Variants in PCDH17 observed in about 807,000 individuals in gnomAD.
PCDH17 encodes protocadherin 17.
PCDH17 carries 21 observed loss-of-function variants against 67.7 expected under a neutral mutation model. The observed-to-expected ratio is 0.31, with a 90% CI of 0.22 to 0.45. The LOEUF is 0.45. Among genes scored for constraint, PCDH17 ranks in the 20% least tolerant of loss-of-function variants. The pLI is 1.00. For synonymous variants in PCDH17, 701 were observed against 656.7 expected (o/e 1.07, Z -1.03); for missense variants, 1,471 against 1,564.8 (o/e 0.94, Z 1.01).
chr13:57,652,163 A>T (rs1955049700), intron 1 of PCDH17, among the ~76,000 whole-genome samples: 1 of 151,532 alleles, frequency 6.6e-6, no homozygotes, highest in Admixed American at 6.6e-5. Context: ...CTGTAGTCCC[A>T]CCTACTCGGG....
Position 57,634,243 on chromosome 13 carries a change from AC to A in PCDH17, c.1698del (p.Asn566LysfsTer4). ...DSGAPAHLES[N>X]ATVRVTVLDV... ...GGGGCGCCCGCGCACTTGGAGAGCA[AC>A]GCCACGGTGAGGGTGACAGTGCTAG... On this transcript the variant is annotated frameshift_variant, in exon 1 of 4. Coordinates refer to ENST00000377918, the MANE Select transcript of PCDH17 (RefSeq NM_001040429.3). LOFTEE classifies it high-confidence loss of function. This position sits in a 1 kb window ranked among gnomAD's most constrained non-coding sequence, Gnocchi z 7.8. 1 of 1,613,224 alleles carries A rather than the reference AC, an allele frequency of 6.2e-7. No individual in the cohort carries two copies. Among genetic ancestry groups the A allele is most frequent in the Non-Finnish European group, 8.5e-7 (1 of 1,180,010 alleles).
chr13:57,650,642 T>C (rs576998385), intron 1 of PCDH17, among the ~76,000 whole-genome samples: 2 of 152,262 alleles, frequency 1.3e-5, no homozygotes, highest in South Asian at 2.1e-4. Context: ...ATGACTATAT[T>C]TTTCCCAATT....
In PCDH17 at chr13:57,632,322, A is replaced by G. The variant is rs1427580438; in HGVS notation, c.-225A>G. The G allele has an allele frequency of 2.1e-5, 12 of 582,864 alleles. No homozygotes were observed. The highest frequency in any genetic ancestry group is 3.3e-5 in the Non-Finnish European group (11 of 330,760). The allele number at this position is 582,864 out of a possible 1,614,324, so 36.1% of individuals were successfully genotyped here. ...AGCCCCTGCAGCTCTGCTGCACCGC[A>G]GCTTCTCACCCAGTGCGGATGCTGT... On this transcript the variant is annotated 5_prime_UTR_variant, in exon 1 of 4. Coordinates refer to ENST00000377918, the MANE Select transcript of PCDH17 (RefSeq NM_001040429.3).
At chr13:57,689,307 A>G (rs1002208498) in intron 3 of PCDH17, among the ~76,000 whole-genome samples, 1 of 152,032 alleles carries the variant, frequency 6.6e-6, no homozygotes. Context: ...GAAAATGACC[A>G]GTGCATTTCC....
intron 3 of PCDH17, chr13:57,709,737 G>A (rs1955757996): frequency 6.6e-6 from 1 of 152,066 alleles, no homozygotes; most frequent in South Asian, 2.1e-4. Flanking sequence ...TCAGTCTGTT[G>A]ATCTGCTTCC....
At chr13:57,720,507 C>A (rs987947067) in intron 3 of PCDH17, among the ~76,000 whole-genome samples, 7 of 151,686 alleles carry the variant, frequency 4.6e-5, no homozygotes, top group Admixed American at 4.6e-4. Flanking sequence ...AAAATATTGT[C>A]ATTTTATTTA....
rs1349955304 is a variant in PCDH17, at chr13:57,727,463, C to T, written c.*2169C>T. 1.3e-5 allele frequency: 2 copies of T among 152,072 alleles called. No individual in the cohort carries two copies. The highest frequency in any genetic ancestry group is 2.4e-5 in the African/African-American group (1 of 41,398). 9.4% of individuals were successfully genotyped at this position (152,072 alleles called of 1,614,324 possible). On this transcript the variant is annotated 3_prime_UTR_variant, in exon 4 of 4. Transcript: ENST00000377918. ...TAAAAACTTCTACTGAAAATATTTC[C>T]GCCAAATGCCATCAATATTTTAGAC...
intron 3 of PCDH17, among the ~76,000 whole-genome samples, chr13:57,715,802 C>T (rs1020119710): frequency 6.6e-6 from 1 of 151,654 alleles, no homozygotes; most frequent in African/African-American, 2.4e-5. Context: ...CTAAAATAAT[C>T]CTTTAATATT....
intron 3 of PCDH17, 108 bp downstream of exon 3, chr13:57,666,941 A>G: frequency 1.3e-6 from 1 of 789,340 alleles, no homozygotes; most frequent in Non-Finnish European, 1.8e-6. Context: ...CATTTATAAT[A>G]TATCAAAGAA....
chr13:57,675,657 G>A (rs1169095465), intron 3 of PCDH17, among the ~76,000 whole-genome samples: 4 of 151,984 alleles, frequency 2.6e-5, no homozygotes, highest in African/African-American at 4.8e-5. Flanking sequence ...CAGATGACGT[G>A]AACCAGTGTA....
intron 1 of PCDH17, among the ~76,000 whole-genome samples, chr13:57,642,799 A>G (rs1954921076): frequency 1.3e-5 from 2 of 151,732 alleles, no homozygotes; most frequent in South Asian, 4.1e-4. Context: ...ATGAAAATGC[A>G]ACAGGTATTT....
chr13:57,724,792 C>T lies in PCDH17; in HGVS notation c.2978C>T (p.Thr993Ile). 6.2e-7 allele frequency: 1 copy of T among 1,614,138 alleles called. No individual in the cohort carries two copies. The highest frequency in any genetic ancestry group is 1.7e-5 in the Admixed American group (1 of 60,002). ...GAGACTTACGAAACTGTGAATCCCA[C>T]TGGGAAAAAGACTTTTTGTACATTT... is the stretch of plus-strand genomic sequence containing the variant. The part of the protein sequence containing the change: ...ETETYETVNP[T>I]GKKTFCTFGK... Residue 993 changes from threonine (T) to isoleucine (I), a missense_variant, in exon 4 of 4, where the codon ACT becomes ATT. Around this residue, in one of 3 missense-constraint regions of PCDH17, gnomAD observed 297 missense variants for 298.6 expected, o/e 0.99. Transcript: ENST00000377918.
At position 57,725,079 on chromosome 13, in the gene PCDH17, C is replaced by T. The variant is rs763424482; in HGVS notation, c.3265C>T (p.Pro1089Ser). The change falls in exon 4 of 4, where the codon CCC (proline) becomes TCC (serine). Residue 1089 changes from proline to serine, a missense_variant. By Grantham distance (74) the Pro-to-Ser change is moderately conservative. Coordinates refer to ENST00000377918, the MANE Select transcript of PCDH17 (RefSeq NM_001040429.3). ...ACCTAGTAAGCAACCAAGAGACCCT[C>T]CCTTCATGGCTTCCGATCAGATGGC... ...LSPSKQPRDP[P>S]FMASDQMARV... is the part of the protein sequence containing the mutation. 1.2e-6 allele frequency: 2 copies of T among 1,614,020 alleles called. No individual in the cohort carries two copies. The highest frequency in any genetic ancestry group is 4.5e-5 in the East Asian group (2 of 44,874).
In PCDH17 at chr13:57,632,266, C is replaced by T. The variant is rs968932338; in HGVS notation, c.-281C>T. 3 of 496,212 alleles carry T rather than the reference C, an allele frequency of 6.0e-6. No homozygotes were observed. The highest frequency in any genetic ancestry group is 2.0e-5 in the African/African-American group (1 of 51,172). 30.7% of individuals were successfully genotyped at this position (496,212 alleles called of 1,614,324 possible). ...GGAGAGACGAAACCCCTGGCTCACC[C>T]CCAGCCGCAGGAAGCCACCGCCTTG... is the stretch of plus-strand genomic sequence containing the variant. On this transcript the variant is annotated 5_prime_UTR_variant, in exon 1 of 4. Coordinates refer to ENST00000377918, the MANE Select transcript of PCDH17 (RefSeq NM_001040429.3).
intron 3 of PCDH17, among the ~76,000 whole-genome samples, chr13:57,671,918 G>A (rs559850934): frequency 6.6e-6 from 1 of 152,042 alleles, no homozygotes; most frequent in South Asian, 2.1e-4. Flanking sequence ...GGACTTCTCT[G>A]CTTCCCAGGG....
At chr13:57,674,436 C>T (rs986303371) in intron 3 of PCDH17, among the ~76,000 whole-genome samples, 2 of 151,872 alleles carry the variant, frequency 1.3e-5, no homozygotes, top group Non-Finnish European at 2.9e-5. Context: ...AAGTGATCCT[C>T]CTACCTCAGC....
intron 1 of PCDH17, among the ~76,000 whole-genome samples, chr13:57,654,401 G>GT (rs80019764): frequency 3.1e-4 from 46 of 149,704 alleles, no homozygotes; most frequent in East Asian, 1.2e-3. Flanking sequence ...TATTTCTTAA[G>GT]TTTTTTTTTT....
chr13:57,717,130 T>G (rs1400246218), intron 3 of PCDH17, among the ~76,000 whole-genome samples: 1 of 151,936 alleles, frequency 6.6e-6, no homozygotes, highest in Non-Finnish European at 1.5e-5. Context: ...AAAAAGATGG[T>G]TCCATTTAGC....
Position 57,634,272 on chromosome 13 carries a change from G to A in PCDH17, c.1726G>A (p.Val576Met). 7 of 1,613,190 alleles carry A rather than the reference G, an allele frequency of 4.3e-6. No individual in the cohort carries two copies. The highest frequency in any genetic ancestry group is 5.9e-6 in the Non-Finnish European group (7 of 1,180,028). ...NATVRVTVLDVNDNAPVIVLP... is the reference protein window; with the variant it reads ...NATVRVTVLDMNDNAPVIVLP... ...CACGGTGAGGGTGACAGTGCTAGAC[G>A]TGAATGACAACGCGCCAGTGATCGT... The change falls in exon 1 of 4, where the codon GTG (valine) becomes ATG (methionine). Residue 576 changes from valine (V) to methionine (M), a missense_variant. Physicochemically the swap from Val to Met is conservative, Grantham distance 21. Around this residue, in one of 3 missense-constraint regions of PCDH17, gnomAD observed 1,163 missense variants for 1,230.0 expected, o/e 0.95. Transcript: ENST00000377918. This position sits in a 1 kb window ranked among gnomAD's most constrained non-coding sequence, Gnocchi z 7.8.
Sources: gnomAD v4.1 joint callset for allele counts (sites outside exome capture counted in the v4.1 genomes callset) on GRCh38, gnomAD v4.1.1 for gene constraint, gnomAD v4.1.1 regional missense constraint, Gnocchi (gnomAD v3.1) non-coding constraint, MANE v1.5 for transcripts, NCBI Gene and HGNC (gene_info 2026-07-23, HGNC 2026-07-21) for gene names.